The following SATB2 variants were observed in gnomAD, a reference collection of about 807,000 sequenced individuals.
SATB2 encodes the protein DNA-binding protein SATB2.
Under a neutral mutation model 73.4 loss-of-function variants are expected in SATB2, and 1 was observed. The ratio of observed to expected loss-of-function variants is 0.01; its 90% confidence interval spans 0.00 to 0.06. SATB2 has a LOEUF of 0.06. Ranked by LOEUF, SATB2 falls within the 10% of genes least tolerant of loss-of-function variation. The pLI, the probability that SATB2 is intolerant of heterozygous loss-of-function variation, is 1.00. For synonymous variants in SATB2, 397 were observed against 367.0 expected (o/e 1.08, Z -0.93); for missense variants, 459 against 945.8 (o/e 0.49, Z 6.75).
intron 5 of SATB2, chr2:199,368,931 T>C: frequency 2.2e-6 from 1 of 447,544 alleles, no homozygotes; most frequent in South Asian, 2.5e-5. Flanking sequence ...CCTGGGGCAA[T>C]GTCAACAATG....
intron 3 of SATB2, among the ~76,000 whole-genome samples, chr2:199,398,408 A>T (rs1384557010): frequency 1.3e-5 from 2 of 152,262 alleles, no homozygotes; most frequent in Non-Finnish European, 2.9e-5. Flanking sequence ...AAGCAGATAC[A>T]GATGCACACG....
chr2:199,281,488 C>CACACAT (rs1374434312), intron 10 of SATB2, among the ~76,000 whole-genome samples: 6 of 151,758 alleles, frequency 4.0e-5, no homozygotes, highest in African/African-American at 1.5e-4. Context: ...TATATACACA[C>CACACAT]ACACACAATT....
chr2:199,325,034 G>T (rs1687992784), intron 8 of SATB2, among the ~76,000 whole-genome samples: 1 of 152,136 alleles, frequency 6.6e-6, no homozygotes, highest in African/African-American at 2.4e-5. Flanking sequence ...AGATGTAACA[G>T]GCAGTGTGGA....
At chr2:199,383,484 A>G (rs758986362) in intron 3 of SATB2, among the ~76,000 whole-genome samples, 13 of 152,232 alleles carry the variant, frequency 8.5e-5, no homozygotes, top group Admixed American at 3.3e-4. Context: ...TTAAAAAATC[A>G]TTCTACAATT....
At position 199,285,907 on chromosome 2, in the gene SATB2, C is replaced by T. The variant is rs554039711; in HGVS notation, c.1741-13235G>A. Among the ~76,000 whole-genome samples the T allele has an allele frequency of 9.3e-4, 127 of 136,544 alleles. 1 individual carries two copies. Among genetic ancestry groups the T allele is most frequent in the Middle Eastern group, 4.2e-3 (1 of 236 alleles). The allele number at this position is 136,544 out of a possible 152,430, so 89.6% of individuals were successfully genotyped here. ...TTTTTTTTTTTTTTAAATATTGTAA[C>T]CAAGATACTACTGGAACACTGTGTA... is the stretch of plus-strand genomic sequence containing the variant. On this transcript the variant is annotated intron_variant, in intron 10 of 10. Coordinates refer to ENST00000417098, the MANE Select transcript of SATB2 (RefSeq NM_001172509.2).
chr2:199,300,189 G>A (rs1456114696), intron 10 of SATB2, among the ~76,000 whole-genome samples: 20 of 151,806 alleles, frequency 1.3e-4, no homozygotes, highest in Non-Finnish European at 8.8e-5. Flanking sequence ...GAGGGAGGCA[G>A]GGAGGGAGGG....
At chr2:199,401,112 T>C (rs1209097604) in intron 3 of SATB2, among the ~76,000 whole-genome samples, 2 of 152,214 alleles carry the variant, frequency 1.3e-5, no homozygotes, top group Non-Finnish European at 2.9e-5. Flanking sequence ...TCATTCAATA[T>C]TTCTGGAGTG....
rs148806110 is a variant in SATB2, at chr2:199,464,433, GCACACACA to G, written c.-141+395_-141+402del. On this transcript the variant is annotated intron_variant, in intron 1 of 11. Transcript: ENST00000260926. The surrounding 1 kb of genome is among the most constrained non-coding windows in gnomAD (Gnocchi z 6.6). ...CACCACCATTTCCACGCGCGCGCGC[GCACACACA>G]CACACACACACACAGAGGGACTTGT... 2.0e-5 allele frequency among the ~76,000 whole-genome samples: 3 copies of G among 149,468 alleles called. No homozygotes were observed. Among genetic ancestry groups the G allele is most frequent in the East Asian group, 2.0e-4 (1 of 5,058 alleles).
At chr2:199,452,048 C>A (rs950785353) in intron 2 of SATB2, among the ~76,000 whole-genome samples, 4 of 151,950 alleles carry the variant, frequency 2.6e-5, no homozygotes, top group Admixed American at 2.6e-4. Flanking sequence ...AAAAGCAAAT[C>A]TCTCTAAAAG....
chr2:199,368,215 G>A (rs973899148), intron 6 of SATB2, among the ~76,000 whole-genome samples: 4 of 151,960 alleles, frequency 2.6e-5, no homozygotes, highest in African/African-American at 9.7e-5. Context: ...TGGAATCGTC[G>A]ACACAGGAAC....
chr2:199,409,167 C>CTTTTTTTTTTTTTTTTTTTT (rs67330007), intron 3 of SATB2, among the ~76,000 whole-genome samples: 1 of 115,244 alleles, frequency 8.7e-6, no homozygotes, highest in Non-Finnish European at 1.8e-5. Context: ...TTTTTCTTTT[C>CTTTTTTTTTTTTTTTTTTTT]TTTTTTTTTT....
chr2:199,366,090 T>C (rs980149425), intron 6 of SATB2, among the ~76,000 whole-genome samples: 1 of 152,046 alleles, frequency 6.6e-6, no homozygotes, highest in African/African-American at 2.4e-5. Flanking sequence ...CCTCAGTAAG[T>C]TGACTTAAGA....
chr2:199,439,683 A>T (rs1691753410), intron 2 of SATB2, among the ~76,000 whole-genome samples: 1 of 152,172 alleles, frequency 6.6e-6, no homozygotes, highest in African/African-American at 2.4e-5. Flanking sequence ...CTATAACCTC[A>T]TATTCTCATT....
At chr2:199,368,243 T>A (rs1346394470) in intron 6 of SATB2, among the ~76,000 whole-genome samples, 2 of 152,118 alleles carry the variant, frequency 1.3e-5, no homozygotes, top group Non-Finnish European at 2.9e-5. Context: ...CAAACTCCAT[T>A]TCTGACCAAA....
At chr2:199,273,423 C>T (rs974652806) in intron 10 of SATB2, among the ~76,000 whole-genome samples, 2 of 152,162 alleles carry the variant, frequency 1.3e-5, no homozygotes, top group Non-Finnish European at 2.9e-5. Context: ...CAATAAATGA[C>T]AGTAATTATT....
At position 199,433,470 on chromosome 2, in the gene SATB2, A is replaced by T. The variant is rs753249521; in HGVS notation, c.214T>A (p.Ser72Thr). The change falls in exon 3 of 11, where the codon TCT (serine) becomes ACT (threonine). Residue 72 changes from serine to threonine, a missense_variant. Around this residue, in one of 13 missense-constraint regions of SATB2, gnomAD observed 74 missense variants for 113.3 expected, o/e 0.65. Coordinates refer to ENST00000417098, the MANE Select transcript of SATB2 (RefSeq NM_001172509.2). Reference sequence around the variant, plus strand: ...TCTTCTCTGTTGTCATATTCAAGAGAGCCGTCCAACTGCTCCACGACACAA... The same window carrying T: ...TCTTCTCTGTTGTCATATTCAAGAGTGCCGTCCAACTGCTCCACGACACAA... ...VFCVVEQLDG[S>T]LEYDNREEHA... 6.2e-7 allele frequency: 1 copy of T among 1,614,060 alleles called. No individual in the cohort carries two copies. The highest frequency in any genetic ancestry group is 8.5e-7 in the Non-Finnish European group (1 of 1,180,048).
chr2:199,399,677 G>A (rs907586512), intron 3 of SATB2, among the ~76,000 whole-genome samples: 2 of 152,128 alleles, frequency 1.3e-5, no homozygotes, highest in African/African-American at 2.4e-5. Flanking sequence ...TCATGGGGAC[G>A]GCAAAGGAGG....
At chr2:199,398,213 T>G (rs997364332) in intron 3 of SATB2, among the ~76,000 whole-genome samples, 4 of 152,088 alleles carry the variant, frequency 2.6e-5, no homozygotes, top group Non-Finnish European at 4.4e-5. Flanking sequence ...CTGAATAACC[T>G]GGGCCACACA....
At chr2:199,355,181 C>T (rs919949815) in intron 6 of SATB2, among the ~76,000 whole-genome samples, 2 of 150,580 alleles carry the variant, frequency 1.3e-5, no homozygotes, top group Non-Finnish European at 2.9e-5. Flanking sequence ...TACACACACA[C>T]ACACATATAC....
Sources: gnomAD v4.1 joint callset for allele counts (sites outside exome capture counted in the v4.1 genomes callset) on GRCh38, gnomAD v4.1.1 for gene constraint, gnomAD v4.1.1 regional missense constraint, Gnocchi (gnomAD v3.1) non-coding constraint, MANE v1.5 for transcripts, NCBI Gene and HGNC (gene_info 2026-07-23, HGNC 2026-07-21) for gene names.